ARHGAP25: variants seen among roughly 807,000 people sequenced by gnomAD.
The protein encoded by ARHGAP25 is Rho GTPase activating protein 25, also known as rho GTPase-activating protein 25.
ARHGAP25 carries 34 observed loss-of-function variants against 71.0 expected under a neutral mutation model. The ratio of observed to expected loss-of-function variants is 0.48; its 90% CI spans 0.36 to 0.64. The LOEUF is 0.64. Among genes scored for constraint, ARHGAP25 ranks in the 30% least tolerant of loss-of-function variants. The probability of loss-of-function intolerance (pLI) is 0.00; values close to 1 mark genes in which losing one functional copy is unlikely to be tolerated. For missense variants in ARHGAP25, 706 were observed against 805.1 expected, an observed-to-expected ratio of 0.88 and a Z score of 1.49; for synonymous variants, 282 against 296.5, an observed-to-expected ratio of 0.95 and a Z score of 0.50.
At chr2:68,755,601 C>T (rs4516462) in intron 1 of ARHGAP25, among the ~76,000 whole-genome samples, 125,040 of 152,218 alleles carry the variant, frequency 0.82, 51,523 homozygotes, top group Non-Finnish European at 0.84. Flanking sequence ...TATCTATTTG[C>T]ATTTTGAAAC....
At chr2:68,752,953 TGGG>T (rs1269809312) in intron 1 of ARHGAP25, among the ~76,000 whole-genome samples, 1 of 152,136 alleles carries the variant, frequency 6.6e-6, no homozygotes, top group African/African-American at 2.4e-5. Context: ...TCTTTATTGT[TGGG>T]GGCCATCCTA....
At chr2:68,713,321 T>C (rs1294907572) in intron 2 of ARHGAP25, among the ~76,000 whole-genome samples, 1 of 152,210 alleles carries the variant, frequency 6.6e-6, no homozygotes, top group Non-Finnish European at 1.5e-5. Flanking sequence ...TATTGGTGTA[T>C]AGGAATGCTT....
chr2:68,746,118 C>T (rs1362767438), intron 1 of ARHGAP25, among the ~76,000 whole-genome samples: 1 of 152,206 alleles, frequency 6.6e-6, no homozygotes, highest in Non-Finnish European at 1.5e-5. Flanking sequence ...TAGCACATAG[C>T]TAGTAAATTC....
At chr2:68,799,161 G>A (rs1269537288) in intron 4 of ARHGAP25, among the ~76,000 whole-genome samples, 4 of 152,206 alleles carry the variant, frequency 2.6e-5, no homozygotes, top group Non-Finnish European at 5.9e-5. Context: ...TTGCCAGGGG[G>A]TGGGAGTGAA....
intron 4 of ARHGAP25, among the ~76,000 whole-genome samples, chr2:68,799,209 G>A (rs1266827600): frequency 2.0e-5 from 3 of 152,188 alleles, no homozygotes; most frequent in South Asian, 2.1e-4. Flanking sequence ...AGATGAGTCC[G>A]TGATTCCTGG....
intron 2 of ARHGAP25, among the ~76,000 whole-genome samples, chr2:68,725,085 G>A (rs914949832): frequency 1.3e-5 from 2 of 152,172 alleles, no homozygotes; most frequent in Admixed American, 6.5e-5. Context: ...ACTCTGGGCT[G>A]ATGCTCAGTG....
At chr2:68,739,975 T>G (rs563804496) in intron 1 of ARHGAP25, among the ~76,000 whole-genome samples, 2 of 152,362 alleles carry the variant, frequency 1.3e-5, no homozygotes, top group South Asian at 2.1e-4. Flanking sequence ...TTTGAGGGAC[T>G]GCAGTGCTTC....
At chr2:68,765,842 A>G (rs1157746596) in intron 1 of ARHGAP25, among the ~76,000 whole-genome samples, 1 of 152,160 alleles carries the variant, frequency 6.6e-6, no homozygotes, top group Non-Finnish European at 1.5e-5. Flanking sequence ...TTTAACTCTC[A>G]GTAGTGTTAA....
rs1384117468 is a variant in ARHGAP25 at position 68,819,199 on chromosome 2, A to T, written c.1080A>T (p.Ile360=). 6.2e-7 allele frequency: 1 copy of T among 1,613,710 alleles called. No individual in the cohort carries two copies. Among genetic ancestry groups the T allele is most frequent in the African/African-American group, 1.3e-5 (1 of 74,858 alleles). The change falls in exon 9 of 11, where the codon ATA becomes ATT. Residue 360 remains isoleucine (I), a synonymous_variant. Coordinates refer to ENST00000409202, the MANE Select transcript of ARHGAP25 (RefSeq NM_001007231.3). ...HEVLFPKSKD[I]PLSPPAQKND... Reference sequence around the variant, plus strand: ...TCCTCTTCCCCAAGTCCAAGGATATACCCCTGTCACCCCCTGCCCAGAAAA... The same window carrying T: ...TCCTCTTCCCCAAGTCCAAGGATATTCCCCTGTCACCCCCTGCCCAGAAAA...
chr2:68,750,783 A>G (rs1173773318), intron 1 of ARHGAP25, among the ~76,000 whole-genome samples: 1 of 152,224 alleles, frequency 6.6e-6, no homozygotes. Context: ...AGGGCTGCAC[A>G]GAAGAGGGTG....
chr2:68,808,558 G>A (rs1320842433), intron 5 of ARHGAP25, among the ~76,000 whole-genome samples: 1 of 152,162 alleles, frequency 6.6e-6, no homozygotes, highest in Non-Finnish European at 1.5e-5. Context: ...TCCCATGGGT[G>A]CTATATTTTA....
In ARHGAP25 at chr2:68,767,996, G is replaced by A. The variant is rs536362165; in HGVS notation, c.62-7225G>A. Among the ~76,000 whole-genome samples, 4 of 152,286 alleles carry A rather than the reference G, an allele frequency of 2.6e-5. No homozygotes were observed. The East Asian group carries it at 7.7e-4, about 29-fold the overall frequency. ...GATTCTTTAACCCTGTGAATTACTA[G>A]ACATGGATTCCATCTCCAATGTGGA... is the stretch of plus-strand genomic sequence containing the variant. On this transcript the variant is annotated intron_variant, in intron 1 of 10. Coordinates refer to ENST00000409202, the MANE Select transcript of ARHGAP25 (RefSeq NM_001007231.3). This position sits in a 1 kb window ranked among gnomAD's most constrained non-coding sequence, Gnocchi z 4.6.
At position 68,822,341 on chromosome 2, in the gene ARHGAP25, C is replaced by G. The variant is rs1365895176; in HGVS notation, c.1202C>G (p.Thr401Arg). ...CATCCATGGCCATTTCTTTTCTAGA[C>G]AAGCGACTCTGATACAACCAGCCCC... The part of the protein sequence containing the change: ...ISRTDSFSSM[T>R]SDSDTTSPTG... Residue 401 changes from threonine (T) to arginine (R), a missense_variant and splice_region_variant, in exon 10 of 11, where the codon ACA (threonine) becomes AGA (arginine). By Grantham distance (71) the Thr-to-Arg change is moderately conservative. Transcript: ENST00000409202. 1 of 1,611,082 alleles carries G rather than the reference C, an allele frequency of 6.2e-7. No individual in the cohort carries two copies. Among genetic ancestry groups the G allele is most frequent in the Non-Finnish European group, 8.5e-7 (1 of 1,178,528 alleles).
intron 1 of ARHGAP25, among the ~76,000 whole-genome samples, chr2:68,761,238 C>G (rs563513393): frequency 6.6e-6 from 1 of 151,978 alleles, no homozygotes; most frequent in Admixed American, 6.6e-5. Context: ...AAAATTAACT[C>G]AAAATGGACC....
intron 2 of ARHGAP25, among the ~76,000 whole-genome samples, chr2:68,720,500 G>A (rs7592276): frequency 0.32 from 48,980 of 151,630 alleles, 7,999 homozygotes; most frequent in East Asian, 0.47. Context: ...CATAATGGCT[G>A]CAGTCTGTTT....
At chr2:68,715,906 G>C (rs373042145) in intron 2 of ARHGAP25, among the ~76,000 whole-genome samples, 7 of 152,158 alleles carry the variant, frequency 4.6e-5, no homozygotes, top group Non-Finnish European at 8.8e-5. Flanking sequence ...TACATGAACA[G>C]GTGAGGGCGG....
intron 1 of ARHGAP25, among the ~76,000 whole-genome samples, chr2:68,752,410 T>C (rs960884333): frequency 2.6e-5 from 4 of 152,050 alleles, no homozygotes; most frequent in Non-Finnish European, 4.4e-5. Flanking sequence ...CACAACCTTT[T>C]ATTTGATAGT....
At chr2:68,799,215 C>T (rs1479490306) in intron 4 of ARHGAP25, among the ~76,000 whole-genome samples, 1 of 152,108 alleles carries the variant, frequency 6.6e-6, no homozygotes, top group East Asian at 1.9e-4. Flanking sequence ...GTCCGTGATT[C>T]CTGGCCTATT....
intron 2 of ARHGAP25, among the ~76,000 whole-genome samples, chr2:68,716,083 G>A (rs1674603025): frequency 6.6e-6 from 1 of 152,150 alleles, no homozygotes; most frequent in Non-Finnish European, 1.5e-5. Context: ...TACTTCCTGA[G>A]TGTAATTCCA....
Sources: gnomAD v4.1 joint callset for allele counts (sites outside exome capture counted in the v4.1 genomes callset) on GRCh38, gnomAD v4.1.1 for gene constraint, Gnocchi (gnomAD v3.1) non-coding constraint, MANE v1.5 for transcripts, NCBI Gene and HGNC (gene_info 2026-07-23, HGNC 2026-07-21) for gene names.